ATG10: variants seen among roughly 807,000 people sequenced by gnomAD.
ATG10 encodes autophagy related 10, also known as ubiquitin-like-conjugating enzyme ATG10.
ATG10 carries 30 observed loss-of-function variants against 32.1 expected under a neutral mutation model. The ratio of observed to expected loss-of-function variants is 0.94; its 90% CI spans 0.70 to 1.27. The LOEUF (loss-of-function observed/expected upper bound fraction) is 1.27. ATG10 is among the 50% of genes most tolerant of loss of function. The pLI, the probability that ATG10 is intolerant of heterozygous loss-of-function variation, is 0.00. For synonymous variants in ATG10, 87 were observed against 91.5 expected (o/e 0.95, Z 0.28); for missense variants, 233 against 262.3 (o/e 0.89, Z 0.77).
chr5:82,190,704 G>A lies in ATG10; in HGVS notation c.453+12117G>A, dbSNP rs111773175. 4.7e-4 allele frequency among the ~76,000 whole-genome samples: 68 copies of A among 143,930 alleles called. 1 individual carries two copies. Among genetic ancestry groups the A allele is most frequent in the African/African-American group, 1.6e-3 (61 of 38,358 alleles). 94.4% of individuals were successfully genotyped at this position (143,930 alleles called of 152,430 possible). A position where few individuals can be genotyped will look rare whatever the true frequency, so the allele number is the denominator to read the frequency against. ...GAGAATGGTGTGAACCCAGGAGGAG[G>A]CAGAGCTTGCAGTGAGCCGAGATCA... On this transcript the variant is annotated intron_variant, in intron 5 of 7. Transcript: ENST00000282185.
intron 3 of ATG10, among the ~76,000 whole-genome samples, chr5:82,132,375 A>G (rs1470935198): frequency 2.0e-5 from 3 of 151,638 alleles, no homozygotes; most frequent in Non-Finnish European, 4.4e-5. Context: ...TCTACATTAC[A>G]TATTTCTCCT....
chr5:82,009,791 T>G lies in ATG10; in HGVS notation c.108+22113T>G, dbSNP rs547743423. On this transcript the variant is annotated intron_variant, in intron 2 of 7. Coordinates refer to ENST00000282185, the MANE Select transcript of ATG10 (RefSeq NM_031482.5). ...AGCCATTTGTGTTGGGTCCAGCATT[T>G]GCCATGGACAAGATGCCAGGACCTG... is the stretch of plus-strand genomic sequence containing the variant. 5 of 1,607,328 alleles carry G rather than the reference T, an allele frequency of 3.1e-6. No individual in the cohort carries two copies. In the Admixed American group the frequency reaches 5.0e-5, roughly 16 times the overall value.
At chr5:82,013,602 A>G (rs1325646135) in intron 2 of ATG10, among the ~76,000 whole-genome samples, 2 of 152,144 alleles carry the variant, frequency 1.3e-5, no homozygotes, top group Non-Finnish European at 2.9e-5. Flanking sequence ...TAGTGGTTGT[A>G]CTATCTTAAA....
chr5:82,014,381 C>A (rs1762217984), intron 2 of ATG10, among the ~76,000 whole-genome samples: 1 of 152,070 alleles, frequency 6.6e-6, no homozygotes, highest in East Asian at 1.9e-4. Flanking sequence ...TCCTGGGTAT[C>A]CTTGTTAACT....
chr5:81,977,056 T>C lies in ATG10; in HGVS notation c.-13+4750T>C, dbSNP rs542979626. On this transcript the variant is annotated intron_variant, in intron 1 of 7. Coordinates refer to ENST00000282185, the MANE Select transcript of ATG10 (RefSeq NM_031482.5). ...ATGCCAGGCTAATTTTTGTATTTTTTTGTAGAGGCGGGATCTCACCATTTG... is the reference window on the plus strand; with the variant it reads ...ATGCCAGGCTAATTTTTGTATTTTTCTGTAGAGGCGGGATCTCACCATTTG... 2.0e-5 allele frequency among the ~76,000 whole-genome samples: 3 copies of C among 152,240 alleles called. No homozygotes were observed. In the East Asian group the frequency reaches 5.8e-4, roughly 29 times the overall value.
intron 2 of ATG10, among the ~76,000 whole-genome samples, chr5:82,049,413 G>A (rs1465255192): frequency 8.9e-5 from 11 of 124,088 alleles, no homozygotes; most frequent in Admixed American, 8.5e-5. Flanking sequence ...GTGGGGGGAG[G>A]GGGGGAGGGA....
At chr5:82,210,991 AATTCTAGG>A (rs755102560) in intron 5 of ATG10, among the ~76,000 whole-genome samples, 8 of 152,114 alleles carry the variant, frequency 5.3e-5, no homozygotes, top group Non-Finnish European at 1.0e-4. Context: ...TGTAATTTGA[AATTCTAGG>A]ATTCTATTAA....
intron 2 of ATG10, among the ~76,000 whole-genome samples, chr5:82,037,287 G>A (rs1384785148): frequency 3.2e-4 from 29 of 89,538 alleles, no homozygotes; most frequent in Middle Eastern, 0.016. Context: ...TCGCTCTGTC[G>A]CCCAGGCTGG....
chr5:82,118,400 A>ATAT (rs1554049298), intron 3 of ATG10, among the ~76,000 whole-genome samples: 6 of 115,830 alleles, frequency 5.2e-5, no homozygotes, highest in Non-Finnish European at 1.1e-4. Context: ...ATATATATAT[A>ATAT]TATATGTATG....
rs568868306 is a variant in ATG10, at chr5:82,114,005, A to G, written c.217-50394A>G. 2.6e-5 allele frequency among the ~76,000 whole-genome samples: 4 copies of G among 151,664 alleles called. No homozygotes were observed. The South Asian group carries it at 6.3e-4, about 24-fold the overall frequency. On this transcript the variant is annotated intron_variant, in intron 3 of 7. Coordinates refer to ENST00000282185, the MANE Select transcript of ATG10 (RefSeq NM_031482.5). The stretch of plus-strand genomic sequence containing the variant: ...ATAATTATAGTCAAATCTAGTAATC[A>G]TTTAGTCTATGATTTTTTTCTTTGT...
At chr5:82,152,982 C>G (rs1767664575) in intron 3 of ATG10, among the ~76,000 whole-genome samples, 1 of 152,122 alleles carries the variant, frequency 6.6e-6, no homozygotes, top group African/African-American at 2.4e-5. Flanking sequence ...GTTCAGGATG[C>G]TTGGAATACG....
In ATG10 at chr5:82,180,502, T is replaced by C. The variant is rs1350459604; in HGVS notation, c.453+1915T>C. On this transcript the variant is annotated intron_variant, in intron 5 of 7. Transcript: ENST00000282185. ...CCCTAAAGATTTGGCAAGAACATTT[T>C]ATTTTATACAAACTATTTTGGATTA... Among the ~76,000 whole-genome samples, 3 of 152,162 alleles carry C rather than the reference T, an allele frequency of 2.0e-5. No individual in the cohort carries two copies. In the East Asian group the frequency reaches 5.8e-4, roughly 29 times the overall value.
At chr5:82,244,976 A>ACACAGTT (rs1746966479) in intron 5 of ATG10, among the ~76,000 whole-genome samples, 1 of 152,212 alleles carries the variant, frequency 6.6e-6, no homozygotes, top group African/African-American at 2.4e-5. Flanking sequence ...TGTAAGCCTA[A>ACACAGTT]CACAGTTCAT....
chr5:82,020,973 G>T (rs1762417879), intron 2 of ATG10, among the ~76,000 whole-genome samples: 1 of 151,716 alleles, frequency 6.6e-6, no homozygotes, highest in South Asian at 2.1e-4. Flanking sequence ...AGGAGTAGAG[G>T]TCCCTTATAA....
intron 2 of ATG10, among the ~76,000 whole-genome samples, chr5:82,008,425 AT>A (rs779682010): frequency 5.9e-5 from 9 of 152,100 alleles, no homozygotes; most frequent in Non-Finnish European, 1.2e-4. Flanking sequence ...GAGTGTTATG[AT>A]TTGTCACTTA....
chr5:82,013,014 T>G (rs139168183), intron 2 of ATG10, among the ~76,000 whole-genome samples: 1 of 150,050 alleles, frequency 6.7e-6, no homozygotes, highest in African/African-American at 2.5e-5. Flanking sequence ...CAGGCTGGAG[T>G]GCAGTGGCAC....
rs1297165478 is a variant in ATG10, at chr5:82,164,473, G to A, written c.291G>A (p.Glu97=). Residue 97 remains glutamate (E), a synonymous_variant, in exon 4 of 8, where the codon GAG becomes GAA. Transcript: ENST00000282185. The part of the protein sequence containing the change: ...TAAASEVIKY[E]YHVLYSCSYQ... ...CAGCGTCCGAAGTGATTAAATATGAGTATCATGTCTTATATTCCTGTAGCT... is the reference window on the plus strand; with the variant it reads ...CAGCGTCCGAAGTGATTAAATATGAATATCATGTCTTATATTCCTGTAGCT... 1.9e-6 allele frequency: 3 copies of A among 1,613,328 alleles called. No homozygotes were observed. Among genetic ancestry groups the A allele is most frequent in the Non-Finnish European group, 2.5e-6 (3 of 1,179,530 alleles).
chr5:82,099,105 T>A (rs537988458), intron 3 of ATG10, among the ~76,000 whole-genome samples: 1 of 152,176 alleles, frequency 6.6e-6, no homozygotes, highest in African/African-American at 2.4e-5. Flanking sequence ...TCACCTAGAT[T>A]TATATTTTCT....
intron 3 of ATG10, among the ~76,000 whole-genome samples, chr5:82,145,732 A>C (rs543978889): frequency 2.7e-5 from 4 of 150,298 alleles, no homozygotes; most frequent in Non-Finnish European, 4.4e-5. Context: ...TTTGAGACAG[A>C]GTCTTCCTCT....
Sources: gnomAD v4.1 joint callset for allele counts (sites outside exome capture counted in the v4.1 genomes callset) on GRCh38, gnomAD v4.1.1 for gene constraint, MANE v1.5 for transcripts, NCBI Gene and HGNC (gene_info 2026-07-23, HGNC 2026-07-21) for gene names.